The following DPP10 variants were observed in gnomAD, a reference collection of about 807,000 sequenced individuals.
DPP10 encodes dipeptidyl peptidase like 10, also known as inactive dipeptidyl peptidase 10.
In DPP10, 33 loss-of-function variants were observed where a neutral mutation model predicts 120.9. The ratio of observed to expected loss-of-function variants is 0.27; its 90% CI spans 0.21 to 0.37. The LOEUF is 0.37. DPP10 is among the 10% of genes least tolerant of loss of function. The pLI is 1.00. For missense variants in DPP10, 816 were observed against 942.8 expected (o/e 0.87, Z 1.76); for synonymous variants, 337 against 326.1 (o/e 1.03, Z -0.36).
intron 1 of DPP10, among the ~76,000 whole-genome samples, chr2:114,696,399 G>A (rs370021770): frequency 2.0e-5 from 3 of 152,018 alleles, no homozygotes; most frequent in Non-Finnish European, 4.4e-5. Context: ...ACACTACAAT[G>A]TTCTGTGGGA....
chr2:114,876,405 T>C (rs1691167960), intron 1 of DPP10, among the ~76,000 whole-genome samples: 1 of 152,056 alleles, frequency 6.6e-6, no homozygotes, highest in Non-Finnish European at 1.5e-5. Flanking sequence ...CCTCTAATCA[T>C]GGGAGGCAGA....
At chr2:115,603,570 G>GGT (rs2083495551) in intron 5 of DPP10, among the ~76,000 whole-genome samples, 1 of 99,286 alleles carries the variant, frequency 1.0e-5, no homozygotes, top group Non-Finnish European at 2.2e-5. Context: ...GTTTTTTTTT[G>GGT]TTTTTTTTTT....
chr2:115,372,047 A>G (rs2065445504), intron 3 of DPP10, among the ~76,000 whole-genome samples: 1 of 152,150 alleles, frequency 6.6e-6, no homozygotes, highest in Non-Finnish European at 1.5e-5. Flanking sequence ...GTAATGTAAC[A>G]AGTCTTAAAG....
chr2:115,477,306 G>A (rs1169414314), intron 3 of DPP10, among the ~76,000 whole-genome samples: 1 of 152,044 alleles, frequency 6.6e-6, no homozygotes, highest in African/African-American at 2.4e-5. Flanking sequence ...AAAACAATAA[G>A]CAAAGTGACA....
intron 1 of DPP10, among the ~76,000 whole-genome samples, chr2:114,786,493 A>C (rs1682780760): frequency 6.6e-6 from 1 of 152,242 alleles, no homozygotes. Flanking sequence ...AAAGAATTAC[A>C]GCAATACTGA....
At chr2:115,527,903 T>C (rs971283608) in intron 5 of DPP10, among the ~76,000 whole-genome samples, 1 of 152,140 alleles carries the variant, frequency 6.6e-6, no homozygotes, top group African/African-American at 2.4e-5. Context: ...CATTCATACA[T>C]TGCAGTTGGA....
intron 1 of DPP10, among the ~76,000 whole-genome samples, chr2:114,905,157 ATATTT>A (rs1400778196): frequency 2.0e-5 from 3 of 151,778 alleles, no homozygotes; most frequent in Non-Finnish European, 4.4e-5. Flanking sequence ...TAATTTCTTT[ATATTT>A]TATCATTGCA....
At chr2:114,984,255 A>AT (rs1276403400) in intron 1 of DPP10, among the ~76,000 whole-genome samples, 5 of 152,114 alleles carry the variant, frequency 3.3e-5, no homozygotes, top group South Asian at 2.1e-4. Flanking sequence ...AAAATGATAC[A>AT]TTTTTTCTCA....
At chr2:114,960,385 T>TAC (rs1553461496) in intron 1 of DPP10, among the ~76,000 whole-genome samples, 4 of 150,030 alleles carry the variant, frequency 2.7e-5, no homozygotes, top group African/African-American at 9.8e-5. Flanking sequence ...TATATATATA[T>TAC]ACTTTTGTTG....
chr2:114,446,844 A>C (rs1677969539), intron 1 of DPP10, among the ~76,000 whole-genome samples: 1 of 152,162 alleles, frequency 6.6e-6, no homozygotes, highest in African/African-American at 2.4e-5. Flanking sequence ...GGCATAGGAA[A>C]CAGAAGACAA....
At chr2:115,122,507 A>G (rs996681513) in intron 1 of DPP10, among the ~76,000 whole-genome samples, 2 of 152,204 alleles carry the variant, frequency 1.3e-5, no homozygotes, top group Admixed American at 6.5e-5. Flanking sequence ...TCTTGTTCAG[A>G]GCATTCTAGA....
chr2:114,806,039 C>G (rs572492112), intron 1 of DPP10, among the ~76,000 whole-genome samples: 1 of 152,134 alleles, frequency 6.6e-6, no homozygotes, highest in Non-Finnish European at 1.5e-5. Context: ...ATTTCCAATC[C>G]CCTCCCACCT....
intron 1 of DPP10, among the ~76,000 whole-genome samples, chr2:114,875,348 G>T (rs1237005630): frequency 6.6e-6 from 1 of 152,152 alleles, no homozygotes. Flanking sequence ...GACCACAAAT[G>T]AATAAATTAC....
At position 114,940,098 on chromosome 2, in the gene DPP10, C is replaced by T. The variant is rs926004018; in HGVS notation, c.61-369141C>T. On this transcript the variant is annotated intron_variant, in intron 1 of 25. Coordinates refer to ENST00000410059, the MANE Select transcript of DPP10 (RefSeq NM_020868.6). ...ACTTCTTTAAGTCTGTATTTTAATC[C>T]CTAGCAGTTGGGTAAACATTCATAA... Among the ~76,000 whole-genome samples, 10 of 152,118 alleles carry T rather than the reference C, an allele frequency of 6.6e-5. No homozygotes were observed. The East Asian group carries it at 1.9e-3, about 29-fold the overall frequency.
chr2:115,187,407 G>A (rs189560853), intron 1 of DPP10, among the ~76,000 whole-genome samples: 192 of 152,232 alleles, frequency 1.3e-3, no homozygotes, highest in African/African-American at 4.4e-3. Context: ...TTTTAGTATA[G>A]AAACTTTCAG....
intron 3 of DPP10, among the ~76,000 whole-genome samples, chr2:115,490,514 G>A (rs1313964087): frequency 2.6e-5 from 4 of 151,990 alleles, no homozygotes; most frequent in Admixed American, 6.6e-5. Flanking sequence ...CTACAATTCC[G>A]ATCTCCCTAA....
rs768364582 is a variant in DPP10 at position 115,746,151 on chromosome 2, G to A, written c.918G>A (p.Leu306=). 1.9e-6 allele frequency: 3 copies of A among 1,612,692 alleles called. No individual in the cohort carries two copies. Among genetic ancestry groups the A allele is most frequent in the Non-Finnish European group, 2.5e-6 (3 of 1,179,546 alleles). The part of the protein sequence containing the change: ...VVNLYGPTHT[L]ELMPPDSFKS... ...ACCTGTATGGACCAACTCACACTTT[G>A]GAGCTCATGCCACCTGACAGCTTTA... The change falls in exon 10 of 26, where the codon TTG becomes TTA. Residue 306 remains leucine, a synonymous_variant. Coordinates refer to ENST00000410059, the MANE Select transcript of DPP10 (RefSeq NM_020868.6).
At chr2:114,751,358 A>T (rs1298923640) in intron 1 of DPP10, among the ~76,000 whole-genome samples, 1 of 152,184 alleles carries the variant, frequency 6.6e-6, no homozygotes, top group Admixed American at 6.5e-5. Flanking sequence ...AATTTCTCCA[A>T]CTACTTATTC....
chr2:114,745,089 G>A (rs189887537), intron 1 of DPP10, among the ~76,000 whole-genome samples: 4 of 152,272 alleles, frequency 2.6e-5, no homozygotes, highest in East Asian at 1.9e-4. Flanking sequence ...TTACTGGGCC[G>A]TTTACAAAAA....
Sources: gnomAD v4.1 joint callset for allele counts (sites outside exome capture counted in the v4.1 genomes callset) on GRCh38, gnomAD v4.1.1 for gene constraint, MANE v1.5 for transcripts, NCBI Gene and HGNC (gene_info 2026-07-23, HGNC 2026-07-21) for gene names.